Variants in MAST4 observed in about 807,000 individuals in gnomAD.
MAST4 encodes the protein microtubule associated serine/threonine kinase family member 4, also known as microtubule-associated serine/threonine-protein kinase 4.
In MAST4, 89 loss-of-function variants were observed where a neutral mutation model predicts 162.7. The ratio of observed to expected loss-of-function variants is 0.55; its 90% CI spans 0.46 to 0.65. The LOEUF (loss-of-function observed/expected upper bound fraction) is 0.65. Among genes scored for constraint, MAST4 ranks in the 30% least tolerant of loss-of-function variants. MAST4 has a pLI of 0.00. For synonymous variants in MAST4, 1,479 were observed against 1,361.1 expected, an observed-to-expected ratio of 1.09 and a Z score of -1.91; for missense variants, 3,153 against 3,374.0, an observed-to-expected ratio of 0.93 and a Z score of 1.62.
chr5:66,868,623 T>G (rs1760709841), intron 3 of MAST4, among the ~76,000 whole-genome samples: 2 of 152,058 alleles, frequency 1.3e-5, no homozygotes, highest in Non-Finnish European at 2.9e-5. Context: ...TCACTCCATA[T>G]GCAATTTATT....
intron 1 of MAST4, among the ~76,000 whole-genome samples, chr5:66,697,771 C>A (rs546373728): frequency 1.3e-5 from 2 of 152,044 alleles, no homozygotes; most frequent in African/African-American, 2.4e-5. Context: ...TGAATCAGGG[C>A]GAACTAATGT....
At chr5:66,661,859 C>G (rs1292383514) in intron 1 of MAST4, among the ~76,000 whole-genome samples, 1 of 152,172 alleles carries the variant, frequency 6.6e-6, no homozygotes, top group African/African-American at 2.4e-5. Context: ...GTTCTAAGAG[C>G]TGTGGTCAAT....
chr5:66,861,183 G>T (rs999251806), intron 3 of MAST4, among the ~76,000 whole-genome samples: 1 of 152,214 alleles, frequency 6.6e-6, no homozygotes. Flanking sequence ...TGGAGCTCAT[G>T]GGGACCTGAA....
chr5:66,700,780 ATTAT>A (rs769055204), intron 1 of MAST4, among the ~76,000 whole-genome samples: 1 of 113,662 alleles, frequency 8.8e-6, no homozygotes, highest in Non-Finnish European at 1.7e-5. Context: ...TAAAAAAAAA[ATTAT>A]ATATATATAT....
intron 4 of MAST4, among the ~76,000 whole-genome samples, chr5:67,029,099 C>T (rs1439370134): frequency 6.6e-6 from 1 of 151,610 alleles, no homozygotes; most frequent in Non-Finnish European, 1.5e-5. Context: ...CACGTAACTA[C>T]ACCCAGCCTG....
chr5:66,750,334 C>T lies in MAST4; in HGVS notation c.364-9375C>T, dbSNP rs142430186. ...AGGAACAGCTCAGGTCTACAGCTCC[C>T]AGCGTGAGCGACGCAGGAAACGGTG... On this transcript the variant is annotated intron_variant, in intron 1 of 28. Transcript: ENST00000403625. 4.4e-3 allele frequency among the ~76,000 whole-genome samples: 665 copies of T among 152,318 alleles called. 4 individuals are homozygous for T. Among genetic ancestry groups the T allele is most frequent in the African/African-American group, 0.015 (622 of 41,564 alleles).
At chr5:66,999,263 G>A (rs754602059) in intron 4 of MAST4, among the ~76,000 whole-genome samples, 1 of 152,196 alleles carries the variant, frequency 6.6e-6, no homozygotes, top group East Asian at 1.9e-4. Flanking sequence ...GCTTCTCCCA[G>A]GAACTTCCCC....
intron 4 of MAST4, among the ~76,000 whole-genome samples, chr5:67,049,027 A>ATATATATACG (rs1561576270): frequency 2.4e-5 from 2 of 84,034 alleles, no homozygotes; most frequent in African/African-American, 9.6e-5. Context: ...ATATACGTAT[A>ATATATATACG]TATATATATA....
chr5:66,695,069 C>T (rs114959781), intron 1 of MAST4, among the ~76,000 whole-genome samples: 3,830 of 152,062 alleles, frequency 0.025, 87 homozygotes, highest in Non-Finnish European at 0.041. Context: ...TTGCTTTTGA[C>T]GCTTTTGTCA....
intron 1 of MAST4, among the ~76,000 whole-genome samples, chr5:66,690,917 G>T (rs570828398): frequency 6.6e-6 from 1 of 152,324 alleles, no homozygotes; most frequent in African/African-American, 2.4e-5. Context: ...GAAGTAGAAT[G>T]TTGATAGTTG....
chr5:67,164,470 G>A lies in MAST4; in HGVS notation c.5291G>A (p.Arg1764Gln), dbSNP rs200247881. 3.1e-5 allele frequency: 50 copies of A among 1,613,898 alleles called. No homozygotes were observed. Among genetic ancestry groups the A allele is most frequent in the Non-Finnish European group, 3.6e-5 (43 of 1,179,892 alleles). The change falls in exon 29 of 29, where the codon CGG becomes CAG. Residue 1764 changes from arginine to glutamine, a missense_variant. Around this residue, in one of 7 missense-constraint regions of MAST4, gnomAD observed 1,644 missense variants for 1,495.0 expected, o/e 1.10. Coordinates refer to ENST00000403625, the MANE Select transcript of MAST4 (RefSeq NM_001164664.2). The surrounding 1 kb of genome is among the most constrained non-coding windows in gnomAD (Gnocchi z 5.3). ...SFVPLKALTGRVDSGTEKPGL... is the reference protein window; with the variant it reads ...SFVPLKALTGQVDSGTEKPGL... ...GTTCCCCTCAAGGCCTTAACAGGCC[G>A]GGTGGACAGTGGAACGGAGAAGCCT...
rs906596032 is a variant in MAST4, at chr5:67,102,719, A to C, written c.1146+108A>C. On this transcript the variant is annotated intron_variant, in intron 9 of 28. Transcript: ENST00000403625. Reference sequence around the variant, plus strand: ...GAAGTAAGGGTCCAATCTAGTAATGATTTGCATAAAACAGCTCCATAGTCT... The same window carrying C: ...GAAGTAAGGGTCCAATCTAGTAATGCTTTGCATAAAACAGCTCCATAGTCT... 5 of 839,414 alleles carry C rather than the reference A, an allele frequency of 6.0e-6. No homozygotes were observed. The African/African-American group carries it at 8.5e-5, about 14-fold the overall frequency. 52.0% of individuals were successfully genotyped at this position (839,414 alleles called of 1,614,324 possible). A position where few individuals can be genotyped will look rare whatever the true frequency, so the allele number is the denominator to read the frequency against.
At position 66,838,684 on chromosome 5, in the gene MAST4, G is replaced by A. The variant is rs13155237; in HGVS notation, c.642+49890G>A. Among the ~76,000 whole-genome samples, 1,376 of 152,284 alleles carry A rather than the reference G, an allele frequency of 9.0e-3. 21 individuals carry two copies. The highest frequency in any genetic ancestry group is 0.081 in the South Asian group (392 of 4,816). On this transcript the variant is annotated intron_variant, in intron 3 of 28. Coordinates refer to ENST00000403625, the MANE Select transcript of MAST4 (RefSeq NM_001164664.2). ...TCATGGAGGTGGAGATATTTCTGCC[G>A]GATGGTGAAGGATGAACAGGTACTG...
At chr5:66,609,007 C>T (rs1472738881) in intron 1 of MAST4, among the ~76,000 whole-genome samples, 1 of 151,442 alleles carries the variant, frequency 6.6e-6, no homozygotes, top group African/African-American at 2.4e-5. Context: ...GTTTTTGGTG[C>T]CAACCCTTGG....
At chr5:66,667,320 A>C (rs62359960) in intron 1 of MAST4, among the ~76,000 whole-genome samples, 28,190 of 152,058 alleles carry the variant, frequency 0.19, 2,962 homozygotes, top group South Asian at 0.31. Context: ...CCTCATTCAC[A>C]CCTAGCTAAT....
chr5:66,986,821 A>G (rs953187423), intron 4 of MAST4, among the ~76,000 whole-genome samples: 1 of 151,922 alleles, frequency 6.6e-6, no homozygotes, highest in Non-Finnish European at 1.5e-5. Context: ...TATGTTGGTC[A>G]GACTGGTCTT....
chr5:66,699,048 C>T (rs1335715254), intron 1 of MAST4, among the ~76,000 whole-genome samples: 1 of 152,218 alleles, frequency 6.6e-6, no homozygotes, highest in Admixed American at 6.5e-5. Context: ...GATAGCATCT[C>T]AGTACAACTA....
chr5:67,142,272 C>T (rs750295468), intron 20 of MAST4, 35 bp downstream of exon 20: 1 of 1,605,264 alleles, frequency 6.2e-7, no homozygotes, highest in East Asian at 2.2e-5. Context: ...CATTGTTTGG[C>T]CTTTACTCGA....
At chr5:66,966,468 A>T (rs531087954) in intron 4 of MAST4, among the ~76,000 whole-genome samples, 2 of 152,248 alleles carry the variant, frequency 1.3e-5, no homozygotes, top group Non-Finnish European at 2.9e-5. Flanking sequence ...TTGTTCACTC[A>T]TAGATGAAGG....
Sources: allele counts gnomAD v4.1 joint callset (sites outside exome capture counted in the v4.1 genomes callset), GRCh38; gene constraint gnomAD v4.1.1; regional missense constraint gnomAD v4.1.1; non-coding constraint Gnocchi (gnomAD v3.1); transcripts MANE v1.5; gene names NCBI Gene and HGNC (gene_info 2026-07-23, HGNC 2026-07-21).